Variants in PCDH11X observed in about 807,000 individuals in gnomAD.
PCDH11X encodes the protein protocadherin 11 X-linked.
Under a neutral mutation model 53.3 loss-of-function variants are expected in PCDH11X, and 18 were observed. The observed-to-expected ratio is 0.34, with a 90% CI of 0.23 to 0.50. PCDH11X has a LOEUF of 0.50. Among genes scored for constraint, PCDH11X ranks in the 20% least tolerant of loss-of-function variants. The pLI is 0.98. For missense variants in PCDH11X, 570 were observed against 1,032.4 expected (o/e 0.55, Z 6.14); for synonymous variants, 279 against 393.3 (o/e 0.71, Z 3.44).
intron 9 of PCDH11X, among the ~76,000 whole-genome samples, chrX:92,399,991 T>A (rs1247274275): frequency 9.4e-6 from 1 of 106,879 alleles, no homozygotes; most frequent in Non-Finnish European, 1.9e-5. Flanking sequence ...GACCTCGTGA[T>A]CCGCCCGCCT....
intron 10 of PCDH11X, among the ~76,000 whole-genome samples, chrX:92,501,549 C>G (rs1240063393): frequency 8.9e-6 from 1 of 111,820 alleles, no homozygotes; most frequent in South Asian, 3.7e-4. Flanking sequence ...CTGGCTTCAT[C>G]CCTGGGATTC....
At chrX:92,269,578 A>T (rs1031651356) in intron 8 of PCDH11X, among the ~76,000 whole-genome samples, 1 of 111,782 alleles carries the variant, frequency 8.9e-6, no homozygotes, top group African/African-American at 3.2e-5. Context: ...TGTAACCTCA[A>T]TACATTTCTG....
intron 10 of PCDH11X, among the ~76,000 whole-genome samples, chrX:92,476,296 C>G (rs1196507030): frequency 8.9e-6 from 1 of 111,752 alleles, no homozygotes; most frequent in African/African-American, 3.3e-5. Flanking sequence ...TCGTGTGTGT[C>G]TTTATCAGCA....
intron 6 of PCDH11X, among the ~76,000 whole-genome samples, chrX:91,904,715 T>C (rs1017800119): frequency 9.0e-6 from 1 of 110,824 alleles, no homozygotes; most frequent in African/African-American, 3.3e-5. Context: ...GTTTGATAGC[T>C]ACATAATATT....
chrX:92,189,707 T>C (rs1257251614), intron 6 of PCDH11X, among the ~76,000 whole-genome samples: 1 of 112,089 alleles, frequency 8.9e-6, no homozygotes, highest in African/African-American at 3.2e-5. Context: ...CCTTTTTCTG[T>C]GCAACCTCGC....
intron 8 of PCDH11X, among the ~76,000 whole-genome samples, chrX:92,383,744 G>C (rs2070944053): frequency 8.9e-6 from 1 of 111,765 alleles, no homozygotes; most frequent in Non-Finnish European, 1.9e-5. Context: ...ATTTGGGTTG[G>C]TTCCAAGTCT....
intron 6 of PCDH11X, among the ~76,000 whole-genome samples, chrX:92,087,113 A>T (rs758310084): frequency 9.1e-6 from 1 of 109,440 alleles, no homozygotes; most frequent in South Asian, 4.1e-4. Context: ...TATTTTTTTG[A>T]GACGGAGTTT....
intron 6 of PCDH11X, among the ~76,000 whole-genome samples, chrX:92,076,123 A>G (rs1015995848): frequency 2.8e-5 from 3 of 108,345 alleles, no homozygotes; most frequent in African/African-American, 1.0e-4. Flanking sequence ...TGGGCATGGG[A>G]GAGACAGAGA....
At chrX:92,267,739 T>A (rs750110928) in intron 8 of PCDH11X, among the ~76,000 whole-genome samples, 1 of 112,517 alleles carries the variant, frequency 8.9e-6, no homozygotes, top group African/African-American at 3.2e-5. Flanking sequence ...TACCACAGAC[T>A]GTGTAATTTA....
At chrX:92,103,872 TG>T (rs1440335227) in intron 6 of PCDH11X, among the ~76,000 whole-genome samples, 1 of 111,652 alleles carries the variant, frequency 9.0e-6, no homozygotes, top group Non-Finnish European at 1.9e-5. Flanking sequence ...AGTCCTGTTG[TG>T]GGGTTTGAGG....
chrX:92,070,481 T>C (rs187911473), intron 6 of PCDH11X, among the ~76,000 whole-genome samples: 2 of 112,170 alleles, frequency 1.8e-5, no homozygotes, highest in South Asian at 3.6e-4. Flanking sequence ...TCTAAATATG[T>C]CATGCCACTC....
intron 10 of PCDH11X, among the ~76,000 whole-genome samples, chrX:92,590,059 C>A (rs1190987474): frequency 9.2e-6 from 1 of 108,888 alleles, no homozygotes; most frequent in Non-Finnish European, 1.9e-5. Flanking sequence ...ATGGCTCCAC[C>A]TGGACCAACC....
chrX:92,430,773 G>A (rs1462342191), intron 9 of PCDH11X, among the ~76,000 whole-genome samples: 1 of 109,832 alleles, frequency 9.1e-6, no homozygotes, highest in East Asian at 2.8e-4. Flanking sequence ...AGGCAGTAAG[G>A]TGATGGCAGA....
At chrX:91,814,206 A>G (rs993064509) in intron 4 of PCDH11X, among the ~76,000 whole-genome samples, 2 of 110,960 alleles carry the variant, frequency 1.8e-5, no homozygotes, top group African/African-American at 6.5e-5. Context: ...AAATTTAAAT[A>G]TTAATTAAAA....
chrX:92,491,509 AAAAAGATCACTACAGTCAGAC>A (rs2073766242), intron 10 of PCDH11X, among the ~76,000 whole-genome samples: 2 of 110,647 alleles, frequency 1.8e-5, no homozygotes, highest in Non-Finnish European at 3.8e-5. Context: ...TCTGCGTAGT[AAAAAGATCACTACAGTCAGAC>A]AAAAACATTA....
chrX:92,201,190 C>G, intron 6 of PCDH11X, 185 bp from the exon 7 acceptor site: 1 of 171,598 alleles, frequency 5.8e-6, no homozygotes, highest in Non-Finnish European at 9.3e-6. Context: ...GTACCTAGAG[C>G]TATGTGTGGC....
chrX:92,477,746 T>C (rs1361688985), intron 10 of PCDH11X, among the ~76,000 whole-genome samples: 2 of 106,101 alleles, frequency 1.9e-5, no homozygotes, highest in Non-Finnish European at 1.9e-5. Context: ...CCCAAGGCAC[T>C]AGAAGTATTG....
intron 6 of PCDH11X, among the ~76,000 whole-genome samples, chrX:92,096,227 A>G (rs893877490): frequency 9.0e-6 from 1 of 111,607 alleles, no homozygotes; most frequent in African/African-American, 3.2e-5. Flanking sequence ...TAATCAAGGG[A>G]GAGTCTGTCT....
At chrX:92,087,279 G>A in intron 6 of PCDH11X, among the ~76,000 whole-genome samples, 1 of 107,051 alleles carries the variant, frequency 9.3e-6, no homozygotes, top group Non-Finnish European at 1.9e-5. Context: ...TTTTTTAGTA[G>A]TGGCGGGGTT....
Sources: gnomAD v4.1 joint callset for allele counts (sites outside exome capture counted in the v4.1 genomes callset) on GRCh38, gnomAD v4.1.1 for gene constraint, MANE v1.5 for transcripts, NCBI Gene and HGNC (gene_info 2026-07-23, HGNC 2026-07-21) for gene names.